The following TMEM67 variants were observed in gnomAD, a reference collection of about 807,000 sequenced individuals.
TMEM67 encodes transmembrane protein 67, also known as meckelin.
In TMEM67, 124 loss-of-function variants were observed where a neutral mutation model predicts 136.6. That is an observed-to-expected ratio of 0.91 (90% CI 0.78 to 1.05). TMEM67 has a LOEUF of 1.05. Ranked by LOEUF, TMEM67 falls within the 50% of genes least tolerant of loss-of-function variation. The pLI is 0.00. For missense variants in TMEM67, 1,107 were observed against 1,178.4 expected, an observed-to-expected ratio of 0.94 and a Z score of 0.89; for synonymous variants, 364 against 390.5, an observed-to-expected ratio of 0.93 and a Z score of 0.80.
At chr8:93,822,900 C>A (rs752946856), downstream of TMEM67, among the ~76,000 whole-genome samples, 1 of 152,134 alleles carries the variant, frequency 6.6e-6, no homozygotes, top group Non-Finnish European at 1.5e-5. Context: ...ACATTAAAAT[C>A]TCTTTAAAAA....
chr8:93,784,830 T>G (rs1399387350), intron 11 of TMEM67, among the ~76,000 whole-genome samples: 3 of 152,218 alleles, frequency 2.0e-5, no homozygotes, highest in African/African-American at 7.2e-5. Flanking sequence ...CCAGATCATA[T>G]ACATCATTGT....
At chr8:93,800,944 C>A (rs1182936968) in intron 21 of TMEM67, among the ~76,000 whole-genome samples, 2 of 149,184 alleles carry the variant, frequency 1.3e-5, no homozygotes, top group African/African-American at 5.0e-5. Flanking sequence ...ATTAAAATGA[C>A]TGAAAGTAAA....
intron 3 of TMEM67, 127 bp from the exon 4 acceptor site, chr8:93,763,715 A>C: frequency 1.4e-6 from 1 of 692,420 alleles, no homozygotes; most frequent in East Asian, 2.8e-5. Flanking sequence ...CCTTTAATGC[A>C]AATAAAGTGT....
At chr8:93,807,832 G>T (rs1377472211) in intron 23 of TMEM67, among the ~76,000 whole-genome samples, 1 of 151,936 alleles carries the variant, frequency 6.6e-6, no homozygotes, top group Non-Finnish European at 1.5e-5. Flanking sequence ...CTTTATGAAG[G>T]CCAGAGAACT....
chr8:93,810,837 G>T (rs1808672879), intron 26 of TMEM67, among the ~76,000 whole-genome samples: 1 of 152,128 alleles, frequency 6.6e-6, no homozygotes, highest in African/African-American at 2.4e-5. Flanking sequence ...AATAACATTT[G>T]TGATTAATCT....
At chr8:93,799,539 A>T in intron 20 of TMEM67, 79 bp from the exon 21 acceptor site, 1 of 1,408,810 alleles carries the variant, frequency 7.1e-7, no homozygotes, top group Non-Finnish European at 9.9e-7. Context: ...GTGAGTAGGG[A>T]GAGGTTTTCT....
chr8:93,827,639 G>A, the TMEM67 span, among the ~76,000 whole-genome samples: 4 of 107,184 alleles, frequency 3.7e-5, 1 homozygote, highest in South Asian at 1.1e-3. Context: ...TGTATTTTTT[G>A]TAGAGATGAG....
In TMEM67 at chr8:93,809,897, A is replaced by T. The variant is rs900677485; in HGVS notation, c.2764+10A>T. On this transcript the variant is annotated intron_variant, in intron 26 of 27. Transcript: ENST00000453321. ...AGCATCTTTTACAATGGTATCTTCT[A>T]AATCCCTTTGTAGAACTTGATAACT... 5.3e-6 allele frequency: 8 copies of T among 1,521,150 alleles called. No homozygotes were observed. Among genetic ancestry groups the T allele is most frequent in the Non-Finnish European group, 7.3e-6 (8 of 1,097,224 alleles). The allele number at this position is 1,521,150 out of a possible 1,614,324, so 94.2% of individuals were successfully genotyped here.
chr8:93,771,057 G>C (rs1189521031), intron 6 of TMEM67, among the ~76,000 whole-genome samples: 1 of 151,868 alleles, frequency 6.6e-6, no homozygotes, highest in African/African-American at 2.4e-5. Flanking sequence ...AGTTGTGTCT[G>C]CCACTTCTCT....
At chr8:93,831,648 G>T in the TMEM67 span, among the ~76,000 whole-genome samples, 2 of 152,074 alleles carry the variant, frequency 1.3e-5, no homozygotes, top group East Asian at 3.9e-4. Context: ...TCCTGGGAAG[G>T]TGTGCATGAG....
Position 93,786,269 on chromosome 8 carries a change from G to A in TMEM67, c.1335G>A (p.Val445=). ...KWLLTRRIFL[V]DAVSGRENDL... Reference sequence around the variant, plus strand: ...TTCTAACTCGGCGCATTTTCTTAGTGGATGCAGTAAGTGGACGAGAAAATG... The same window carrying A: ...TTCTAACTCGGCGCATTTTCTTAGTAGATGCAGTAAGTGGACGAGAAAATG... Residue 445 remains valine, a synonymous_variant, in exon 13 of 28, where the codon GTG becomes GTA. Coordinates refer to ENST00000453321, the MANE Select transcript of TMEM67 (RefSeq NM_153704.6). 6.2e-7 allele frequency: 1 copy of A among 1,614,006 alleles called. No individual in the cohort carries two copies. The highest frequency in any genetic ancestry group is 8.5e-7 in the Non-Finnish European group (1 of 1,179,918).
At chr8:93,777,405 G>C (rs1008600792) in intron 7 of TMEM67, among the ~76,000 whole-genome samples, 1 of 152,018 alleles carries the variant, frequency 6.6e-6, no homozygotes, top group Non-Finnish European at 1.5e-5. Flanking sequence ...TTTTGAATTT[G>C]TTTGCTCTTG....
rs1341151678 is a variant in TMEM67, at chr8:93,754,982, C to T, written c.68C>T (p.Thr23Ile). 6.2e-7 allele frequency: 1 copy of T among 1,614,124 alleles called. No homozygotes were observed. Among genetic ancestry groups the T allele is most frequent in the Non-Finnish European group, 8.5e-7 (1 of 1,180,048 alleles). ...TCCCTCTTATCCGCCCGGGCCGTGA[C>T]CGCGTTCCTTCTGTTGTTCCTCCCT... ...VWSLLSARAV[T>I]AFLLLFLPRF... is the part of the protein sequence containing the mutation. Residue 23 changes from threonine to isoleucine, a missense_variant, in exon 1 of 28, where the codon ACC becomes ATC. Thr to Ile is a moderately conservative substitution (Grantham distance 89). This residue lies in a region of TMEM67 where 178 missense variants were observed against 159.2 expected (regional missense o/e 1.12). Transcript: ENST00000453321.
intron 3 of TMEM67, chr8:93,759,604 GA>G (rs1812732577): frequency 1.3e-5 from 2 of 151,496 alleles, no homozygotes; most frequent in Non-Finnish European, 2.9e-5. Context: ...CAACAAAAAA[GA>G]AAAAATAAGT....
chr8:93,829,481 C>T, the TMEM67 span, among the ~76,000 whole-genome samples: 1 of 152,104 alleles, frequency 6.6e-6, no homozygotes, highest in Non-Finnish European at 1.5e-5. Flanking sequence ...CACTCCTGCT[C>T]ACTGGATCTA....
chr8:93,790,140 T>A lies in TMEM67; in HGVS notation c.1519-1123T>A, dbSNP rs114114187. Reference sequence around the variant, plus strand: ...CTCAAATTATTCTAATTATAAAATATACAATTCTTTCATCATTTCTTAATT... The same window carrying A: ...CTCAAATTATTCTAATTATAAAATAAACAATTCTTTCATCATTTCTTAATT... On this transcript the variant is annotated intron_variant, in intron 14 of 27. Transcript: ENST00000453321. Among the ~76,000 whole-genome samples, 749 of 152,256 alleles carry A rather than the reference T, an allele frequency of 4.9e-3. 1 individual carries two copies. Among genetic ancestry groups the A allele is most frequent in the African/African-American group, 0.017 (697 of 41,546 alleles).
chr8:93,789,202 G>C lies in TMEM67; in HGVS notation c.1518+1253G>C, dbSNP rs187486537. On this transcript the variant is annotated intron_variant, in intron 14 of 27. Transcript: ENST00000453321. ...TGGCCTCTCTGTTGTGCTTCTACTT[G>C]TACTTGACTGCTATTGGATTCAAAC... Among the ~76,000 whole-genome samples the C allele has an allele frequency of 2.6e-5, 4 of 152,134 alleles. No homozygotes were observed. The East Asian group carries it at 7.7e-4, about 29-fold the overall frequency.
chr8:93,825,801 CAG>C, the TMEM67 span, among the ~76,000 whole-genome samples: 4 of 152,272 alleles, frequency 2.6e-5, no homozygotes, highest in Admixed American at 2.0e-4. Context: ...AGAAATGAGA[CAG>C]GGATGCTGAG....
At position 93,765,454 on chromosome 8, in the gene TMEM67, A is replaced by G. The variant is rs1813039834; in HGVS notation, c.555A>G (p.Ala185=). The change falls in exon 5 of 28, where the codon GCA becomes GCG. Residue 185 remains alanine (A), a synonymous_variant. Transcript: ENST00000453321. ...PTFVNTSRSC[A]CSEPNILTGG... Reference sequence around the variant, plus strand: ...TTGTTAATACCAGCAGGTCCTGTGCATGTTCAGAACCTAACATTTTAGTAA... The same window carrying G: ...TTGTTAATACCAGCAGGTCCTGTGCGTGTTCAGAACCTAACATTTTAGTAA... The G allele has an allele frequency of 1.2e-6, 2 of 1,612,018 alleles. No homozygotes were observed. Among genetic ancestry groups the G allele is most frequent in the Admixed American group, 1.7e-5 (1 of 60,002 alleles).
Sources: gnomAD v4.1 joint callset for allele counts (sites outside exome capture counted in the v4.1 genomes callset) on GRCh38, gnomAD v4.1.1 for gene constraint, gnomAD v4.1.1 regional missense constraint, MANE v1.5 for transcripts, NCBI Gene and HGNC (gene_info 2026-07-23, HGNC 2026-07-21) for gene names.